IDH3B: variants seen among roughly 807,000 people sequenced by gnomAD.
The protein encoded by IDH3B is isocitrate dehydrogenase [NAD] subunit beta, mitochondrial.
IDH3B carries 40 observed loss-of-function variants against 47.5 expected under a neutral mutation model. That is an observed-to-expected ratio of 0.84 (90% CI 0.65 to 1.10). IDH3B has a LOEUF of 1.10. Among genes scored for constraint, IDH3B ranks in the 50% least tolerant of loss-of-function variants. The probability of loss-of-function intolerance (pLI) is 0.00; values close to 1 mark genes in which losing one functional copy is unlikely to be tolerated. For synonymous variants in IDH3B, 185 were observed against 191.0 expected (o/e 0.97, Z 0.26); for missense variants, 450 against 505.2 (o/e 0.89, Z 1.05).
chr20:2,658,486 G>C lies in IDH3B; in HGVS notation c.*265C>G. 6.2e-7 allele frequency: 1 copy of C among 1,614,004 alleles called. No individual in the cohort carries two copies. On this transcript the variant is annotated 3_prime_UTR_variant, in exon 12 of 12. Transcript: ENST00000380843. ...GCAATGACAGCCTCAGTGAAGTCAT[G>C]GCAAGTAGCATAGCCACCCATGTCA...
rs1461989898 is a variant in IDH3B at position 2,658,817 on chromosome 20, G to A, written c.1092C>T (p.Gly364=). 1.3e-5 allele frequency: 21 copies of A among 1,614,190 alleles called. No homozygotes were observed. Among genetic ancestry groups the A allele is most frequent in the Non-Finnish European group, 1.7e-5 (20 of 1,180,046 alleles). ...TGAAGTCGGTTGTGGTGCTGTAGCC[G>A]CCCATGTCTCGAGTCCGCACCTACA... ...KVGKVRTRDM[G]GYSTTTDFIK... Residue 364 remains glycine (G), a synonymous_variant, in exon 12 of 12, where the codon GGC becomes GGT. Transcript: ENST00000380843.
intron 11 of IDH3B, 33 bp from the exon 12 acceptor site, chr20:2,658,870 G>A: frequency 6.2e-7 from 1 of 1,613,694 alleles, no homozygotes; most frequent in South Asian, 1.1e-5. Flanking sequence ...CCGTGGGGAG[G>A]GAGAAAAGAG....
chr20:2,658,991 G>C (rs1042350792), intron 11 of IDH3B, 154 bp from the exon 12 acceptor site: 212 of 1,471,830 alleles, frequency 1.4e-4, no homozygotes, highest in Non-Finnish European at 1.8e-4. Flanking sequence ...AGGATGGGAA[G>C]CACATGGACC....
intron 9 of IDH3B, 113 bp downstream of exon 9, chr20:2,659,917 G>T: frequency 6.7e-7 from 1 of 1,482,654 alleles, no homozygotes; most frequent in African/African-American, 1.4e-5. Context: ...AGGCATGGTG[G>T]GCAGCGTGGG....
chr20:2,659,865 G>T lies in IDH3B; in HGVS notation c.916-72C>A, dbSNP rs2086907877. 2.1e-6 allele frequency: 3 copies of T among 1,440,226 alleles called. No individual in the cohort carries two copies. The South Asian group carries it at 3.4e-5, about 16-fold the overall frequency. The allele number at this position is 1,440,226 out of a possible 1,614,324, so 89.2% of individuals were successfully genotyped here. On this transcript the variant is annotated intron_variant, in intron 9 of 11. Coordinates refer to ENST00000380843, the MANE Select transcript of IDH3B (RefSeq NM_006899.5). ...TATGCAGAGGCTTAGGTTGGAAAAGGACATTATGGGAGGGGGAGCTCAGGC... is the reference window on the plus strand; with the variant it reads ...TATGCAGAGGCTTAGGTTGGAAAAGTACATTATGGGAGGGGGAGCTCAGGC...
Position 2,658,499 on chromosome 20 carries a change from G to A in IDH3B, c.*252C>T. On this transcript the variant is annotated 3_prime_UTR_variant, in exon 12 of 12. Coordinates refer to ENST00000380843, the MANE Select transcript of IDH3B (RefSeq NM_006899.5). The stretch of plus-strand genomic sequence containing the variant: ...CAGTGAAGTCATGGCAAGTAGCATA[G>A]CCACCCATGTCAGAGGTTCGAACCT... The A allele has an allele frequency of 1.2e-6, 2 of 1,614,104 alleles. No homozygotes were observed. Among genetic ancestry groups the A allele is most frequent in the Non-Finnish European group, 1.7e-6 (2 of 1,179,994 alleles).
intron 11 of IDH3B, 33 bp from the exon 12 acceptor site, chr20:2,658,870 GGA>G (rs1478140150): frequency 1.2e-6 from 2 of 1,613,576 alleles, no homozygotes; most frequent in African/African-American, 1.3e-5. Flanking sequence ...CCGTGGGGAG[GGA>G]GAAAAGAGAG....
At chr20:2,659,328 G>T in intron 11 of IDH3B, 197 bp downstream of exon 11, 1 of 1,550,138 alleles carries the variant, frequency 6.5e-7, no homozygotes, top group East Asian at 2.3e-5. Context: ...AGGCAAAAGA[G>T]ATCAAGAGGA....
intron 4 of IDH3B, among the ~76,000 whole-genome samples, chr20:2,663,138 G>A (rs2086978358): frequency 6.9e-6 from 1 of 145,400 alleles, no homozygotes; most frequent in Admixed American, 6.6e-5. Flanking sequence ...AGGAAGGAAG[G>A]GAGGGGAAAA....
intron 4 of IDH3B, among the ~76,000 whole-genome samples, chr20:2,661,918 T>C (rs968945968): frequency 6.6e-6 from 1 of 151,968 alleles, no homozygotes; most frequent in African/African-American, 2.4e-5. Flanking sequence ...AAGTTAAGGA[T>C]CTTGAGAAAA....
chr20:2,658,757 C>T lies in IDH3B; in HGVS notation c.1152G>A (p.Gly384=). ...TTGGAAGAAATAAAGGGCTCTAGCT[C>T]CCTTTAGTCTGCAGGTGACCGATGA... The part of the protein sequence containing the change: ...KSVIGHLQTK[G]S Residue 384 remains glycine, a synonymous_variant, in exon 12 of 12, where the codon GGG becomes GGA. Transcript: ENST00000380843. The T allele has an allele frequency of 2.5e-6, 4 of 1,614,168 alleles. No individual in the cohort carries two copies. The highest frequency in any genetic ancestry group is 3.4e-6 in the Non-Finnish European group (4 of 1,180,036).
chr20:2,663,216 T>C (rs1235174583), intron 4 of IDH3B, among the ~76,000 whole-genome samples: 2 of 151,676 alleles, frequency 1.3e-5, no homozygotes, highest in African/African-American at 4.8e-5. Context: ...TTGATGACAG[T>C]TGATGTAGCC....
chr20:2,659,926 G>A, intron 9 of IDH3B, 104 bp downstream of exon 9: 1 of 1,516,834 alleles, frequency 6.6e-7, no homozygotes. Context: ...GGGCAGCGTG[G>A]GGGAAGAACA....
Position 2,658,682 on chromosome 20 carries a change from T to C in IDH3B, c.*69A>G. ...CCACTGCTTAGAGGCACAAGGTCTC[T>C]TCCCTGGTACACTGCACTGAAGGGT... On this transcript the variant is annotated 3_prime_UTR_variant, in exon 12 of 12. Transcript: ENST00000380843. 1.9e-6 allele frequency: 3 copies of C among 1,614,140 alleles called. No individual in the cohort carries two copies. Among genetic ancestry groups the C allele is most frequent in the Non-Finnish European group, 2.5e-6 (3 of 1,179,984 alleles).
chr20:2,660,995 G>A lies in IDH3B; in HGVS notation c.338-26C>T. 1 of 1,611,160 alleles carries A rather than the reference G, an allele frequency of 6.2e-7. No individual in the cohort carries two copies. The highest frequency in any genetic ancestry group is 8.5e-7 in the Non-Finnish European group (1 of 1,177,752). ...CTGTGAAAACAAAGTGGGAAAAGGA[G>A]TGTCAGCCACAGGCCAAGCCCAAGG... On this transcript the variant is annotated intron_variant, in intron 4 of 11. Transcript: ENST00000380843. The surrounding 1 kb of genome is among the most constrained non-coding windows in gnomAD (Gnocchi z 5.6).
intron 11 of IDH3B, 103 bp from the exon 12 acceptor site, chr20:2,658,940 A>G: frequency 6.4e-7 from 1 of 1,563,528 alleles, no homozygotes; most frequent in South Asian, 1.1e-5. Context: ...AATGCGTGAC[A>G]GCCAGAAAAA....
chr20:2,660,987 G>A lies in IDH3B; in HGVS notation c.338-18C>T. The A allele has an allele frequency of 1.2e-6, 2 of 1,612,890 alleles. No individual in the cohort carries two copies. Among genetic ancestry groups the A allele is most frequent in the South Asian group, 1.1e-5 (1 of 90,968 alleles). On this transcript the variant is annotated intron_variant, in intron 4 of 11. Coordinates refer to ENST00000380843, the MANE Select transcript of IDH3B (RefSeq NM_006899.5). This position sits in a 1 kb window ranked among gnomAD's most constrained non-coding sequence, Gnocchi z 5.6. ...AATCTTTCCTGTGAAAACAAAGTGGGAAAAGGAGTGTCAGCCACAGGCCAA... is the reference window on the plus strand; with the variant it reads ...AATCTTTCCTGTGAAAACAAAGTGGAAAAAGGAGTGTCAGCCACAGGCCAA...
intron 11 of IDH3B, chr20:2,659,175 C>CG: frequency 8.4e-7 from 1 of 1,193,394 alleles, no homozygotes; most frequent in Non-Finnish European, 1.0e-6. Context: ...GGAGATGGGG[C>CG]GTGAAGGTGA....
In IDH3B at chr20:2,659,591, GA is replaced by G; in HGVS notation, c.1011-7del. On this transcript the variant is annotated splice_polypyrimidine_tract_variant and splice_region_variant and intron_variant, in intron 10 of 11. Transcript: ENST00000380843. ...TGCTGGAGTGATACTCAAGACTGTG[GA>G]TATGGACAGGAAGAAACTGTGACTC... 1 of 1,614,114 alleles carries G rather than the reference GA, an allele frequency of 6.2e-7. No homozygotes were observed. The highest frequency in any genetic ancestry group is 1.1e-5 in the South Asian group (1 of 91,082).
Sources: allele counts gnomAD v4.1 joint callset (sites outside exome capture counted in the v4.1 genomes callset), GRCh38; gene constraint gnomAD v4.1.1; non-coding constraint Gnocchi (gnomAD v3.1); transcripts MANE v1.5; gene names NCBI Gene and HGNC (gene_info 2026-07-23, HGNC 2026-07-21).